The following KATNIP variants were observed in gnomAD, a reference collection of about 807,000 sequenced individuals.
KATNIP encodes the protein katanin-interacting protein.
KATNIP carries 126 observed loss-of-function variants against 174.0 expected under a neutral mutation model. The ratio of observed to expected loss-of-function variants is 0.72; its 90% CI spans 0.63 to 0.84. KATNIP has a LOEUF of 0.84. KATNIP is among the 40% of genes least tolerant of loss of function. KATNIP has a pLI of 0.00. For synonymous variants in KATNIP, 810 were observed against 835.7 expected (o/e 0.97, Z 0.53); for missense variants, 1,958 against 2,109.7 (o/e 0.93, Z 1.41).
intron 1 of KATNIP, among the ~76,000 whole-genome samples, chr16:27,566,437 GAGGC>G (rs942867198): frequency 3.3e-5 from 5 of 152,114 alleles, no homozygotes; most frequent in Non-Finnish European, 1.5e-5. Flanking sequence ...TTGGGAGACT[GAGGC>G]AGGAGAATCA....
At chr16:27,554,638 G>T (rs7204244) in intron 1 of KATNIP, among the ~76,000 whole-genome samples, 11 of 151,952 alleles carry the variant, frequency 7.2e-5, no homozygotes, top group Non-Finnish European at 1.5e-4. Context: ...TGCAGTCTTA[G>T]GACGTTATTG....
intron 6 of KATNIP, among the ~76,000 whole-genome samples, chr16:27,675,616 C>T (rs1179426633): frequency 6.6e-6 from 1 of 152,180 alleles, no homozygotes; most frequent in Admixed American, 6.5e-5. Context: ...TCAGGAAGAG[C>T]AGCCTGTGTT....
chr16:27,666,150 C>T (rs2077674275), intron 6 of KATNIP, among the ~76,000 whole-genome samples: 1 of 152,158 alleles, frequency 6.6e-6, no homozygotes. Context: ...CATCTACTTC[C>T]TGAGTTCATT....
intron 20 of KATNIP, among the ~76,000 whole-genome samples, chr16:27,768,155 A>ACT (rs1381578554): frequency 1.3e-5 from 2 of 151,934 alleles, no homozygotes; most frequent in Non-Finnish European, 2.9e-5. Flanking sequence ...GGGTGCTTTG[A>ACT]CTCAGATCCC....
chr16:27,600,282 C>A (rs371341186), intron 2 of KATNIP, among the ~76,000 whole-genome samples: 1 of 152,186 alleles, frequency 6.6e-6, no homozygotes, highest in Non-Finnish European at 1.5e-5. Flanking sequence ...CATTTGCTGT[C>A]GCCTTTAAAT....
At chr16:27,741,796 G>A (rs2081118731) in intron 15 of KATNIP, among the ~76,000 whole-genome samples, 1 of 152,060 alleles carries the variant, frequency 6.6e-6, no homozygotes, top group African/African-American at 2.4e-5. Context: ...CAGCTACTTG[G>A]GAGGCTGAGG....
At chr16:27,657,494 G>T (rs1488113017) in intron 6 of KATNIP, among the ~76,000 whole-genome samples, 1 of 152,102 alleles carries the variant, frequency 6.6e-6, no homozygotes, top group Non-Finnish European at 1.5e-5. Flanking sequence ...TTGGGAGGAC[G>T]AGGCGGGTGG....
chr16:27,558,166 G>A lies in KATNIP; in HGVS notation c.7+7989G>A, dbSNP rs541166518. ...CTTTTTGTTTGTTTTTTTGTTTTTA[G>A]ATAGAGTCTTGTTCTCTCACCCAGG... is the stretch of plus-strand genomic sequence containing the variant. On this transcript the variant is annotated intron_variant, in intron 1 of 27. Transcript: ENST00000261588. Among the ~76,000 whole-genome samples, 19 of 152,098 alleles carry A rather than the reference G, an allele frequency of 1.2e-4. 1 individual carries two copies. In the South Asian group the frequency reaches 3.7e-3, roughly 30 times the overall value.
intron 1 of KATNIP, among the ~76,000 whole-genome samples, chr16:27,570,306 GT>G (rs2090240399): frequency 6.6e-6 from 1 of 151,994 alleles, no homozygotes; most frequent in Admixed American, 6.6e-5. Flanking sequence ...GCTCACTCCT[GT>G]AATCCCAGCA....
In KATNIP at chr16:27,749,580, C is replaced by G; in HGVS notation, c.2624-4C>G. On this transcript the variant is annotated splice_region_variant and splice_polypyrimidine_tract_variant and intron_variant, in intron 15 of 27. Coordinates refer to ENST00000261588, the MANE Select transcript of KATNIP (RefSeq NM_015202.5). Reference sequence around the variant, plus strand: ...CTTCCCCCCTCTTGTGTCCTTTCTTCCAGAAGACACCTGGTCTTCCAGGAC... The same window carrying G: ...CTTCCCCCCTCTTGTGTCCTTTCTTGCAGAAGACACCTGGTCTTCCAGGAC... 6.6e-7 allele frequency: 1 copy of G among 1,525,304 alleles called. No homozygotes were observed. The allele number at this position is 1,525,304 out of a possible 1,614,324, so 94.5% of individuals were successfully genotyped here. A position where few individuals can be genotyped will look rare whatever the true frequency, so the allele number is the denominator to read the frequency against.
intron 2 of KATNIP, among the ~76,000 whole-genome samples, chr16:27,574,558 C>CTTTTTTTTTTTT (rs10708223): frequency 1.9e-5 from 1 of 53,486 alleles, no homozygotes; most frequent in African/African-American, 7.7e-5. Context: ...ACTTTCTATT[C>CTTTTTTTTTTTT]TTTTTTTTTT....
At chr16:27,662,651 A>G (rs760288264) in intron 6 of KATNIP, among the ~76,000 whole-genome samples, 3 of 152,362 alleles carry the variant, frequency 2.0e-5, no homozygotes, top group South Asian at 2.1e-4. Flanking sequence ...GGGTGTTTCT[A>G]CAAATGAAGG....
chr16:27,609,463 T>G (rs1018473935), intron 2 of KATNIP, among the ~76,000 whole-genome samples: 45 of 130,380 alleles, frequency 3.5e-4, no homozygotes, highest in African/African-American at 1.2e-3. Context: ...CGATCTCAGC[T>G]CACTGCAAGC....
At chr16:27,590,802 GTT>G (rs2075138476) in intron 2 of KATNIP, among the ~76,000 whole-genome samples, 1 of 152,200 alleles carries the variant, frequency 6.6e-6, no homozygotes, top group South Asian at 2.1e-4. Flanking sequence ...CTGTCCTTCT[GTT>G]TTGGTCTGTG....
At chr16:27,638,105 T>C (rs1255358967) in intron 5 of KATNIP, among the ~76,000 whole-genome samples, 1 of 152,212 alleles carries the variant, frequency 6.6e-6, no homozygotes, top group Non-Finnish European at 1.5e-5. Flanking sequence ...TCTGAATCTC[T>C]CAGCTCATCC....
rs958694656 is a variant in KATNIP, at chr16:27,618,358, G to T, written c.64-67G>T. 6 of 1,247,682 alleles carry T rather than the reference G, an allele frequency of 4.8e-6. No individual in the cohort carries two copies. In the African/African-American group the frequency reaches 8.9e-5, roughly 18 times the overall value. 77.3% of individuals were successfully genotyped at this position (1,247,682 alleles called of 1,614,324 possible). On this transcript the variant is annotated intron_variant, in intron 2 of 27. Coordinates refer to ENST00000261588, the MANE Select transcript of KATNIP (RefSeq NM_015202.5). ...TCAGCCTGCTGCGCCGGTGTGTGCT[G>T]CACCTGCACTCTCAGTCAGTGCTTC... is the stretch of plus-strand genomic sequence containing the variant.
chr16:27,569,293 C>A (rs1396291733), intron 1 of KATNIP, among the ~76,000 whole-genome samples: 1 of 152,232 alleles, frequency 6.6e-6, no homozygotes, highest in Admixed American at 6.5e-5. Context: ...AGCAAAGTGT[C>A]AGAATGTGCT....
chr16:27,593,766 C>A (rs1054295699), intron 2 of KATNIP, among the ~76,000 whole-genome samples: 4 of 152,194 alleles, frequency 2.6e-5, no homozygotes, highest in Non-Finnish European at 5.9e-5. Context: ...CCTTGGCCTT[C>A]CAAAGGGCTA....
chr16:27,740,200 G>A lies in KATNIP; in HGVS notation c.1903G>A (p.Ala635Thr), dbSNP rs773076589. The change falls in exon 15 of 28, where the codon GCT becomes ACT. Residue 635 changes from alanine to threonine, a missense_variant. Transcript: ENST00000261588. ...KSEQLEEAMNAHSEESKGTHE... is the reference protein window; with the variant it reads ...KSEQLEEAMNTHSEESKGTHE... ...CGAGCAACTAGAGGAGGCCATGAACGCTCACTCGGAAGAAAGCAAAGGCAC... is the reference window on the plus strand; with the variant it reads ...CGAGCAACTAGAGGAGGCCATGAACACTCACTCGGAAGAAAGCAAAGGCAC... The A allele has an allele frequency of 6.2e-6, 10 of 1,614,068 alleles. No homozygotes were observed. The Admixed American group carries it at 1.0e-4, about 16-fold the overall frequency.
Sources: gnomAD v4.1 joint callset for allele counts (sites outside exome capture counted in the v4.1 genomes callset) on GRCh38, gnomAD v4.1.1 for gene constraint, MANE v1.5 for transcripts, NCBI Gene and HGNC (gene_info 2026-07-23, HGNC 2026-07-21) for gene names.